ERGIC2: variants seen among roughly 807,000 people sequenced by gnomAD.
The protein encoded by ERGIC2 is ERGIC and golgi 2.
A neutral mutation model predicts 52.5 loss-of-function variants in ERGIC2; 31 were observed. That is an observed-to-expected ratio of 0.59 (90% confidence interval 0.44 to 0.80). ERGIC2 has a LOEUF of 0.80. Ranked by LOEUF, ERGIC2 falls within the 30% of genes least tolerant of loss-of-function variation. The pLI, the probability that ERGIC2 is intolerant of heterozygous loss-of-function variation, is 0.00. For missense variants in ERGIC2, 395 were observed against 455.2 expected (o/e 0.87, Z 1.20); for synonymous variants, 129 against 140.6 (o/e 0.92, Z 0.58).
chr12:29,357,560 AGTTTT>A, intron 7 of ERGIC2, 58 bp downstream of exon 7: 2 of 858,900 alleles, frequency 2.3e-6, no homozygotes, highest in South Asian at 1.5e-5. Flanking sequence ...CCAACACTTT[AGTTTT>A]AACTATGTCA....
At chr12:29,371,245 C>T (rs1410983527) in intron 2 of ERGIC2, among the ~76,000 whole-genome samples, 1 of 152,116 alleles carries the variant, frequency 6.6e-6, no homozygotes, top group Non-Finnish European at 1.5e-5. Context: ...ATAACTTCCT[C>T]AAGGTCACAT....
intron 10 of ERGIC2, among the ~76,000 whole-genome samples, chr12:29,347,710 T>C (rs1049506938): frequency 4.6e-5 from 7 of 152,178 alleles, no homozygotes; most frequent in African/African-American, 1.4e-4. Flanking sequence ...CTACCTGACA[T>C]AGCAGATATG....
chr12:29,349,667 C>A (rs1940105372), intron 9 of ERGIC2, among the ~76,000 whole-genome samples: 1 of 152,026 alleles, frequency 6.6e-6, no homozygotes, highest in South Asian at 2.1e-4. Context: ...TTAAGACAAT[C>A]ATGATACCAA....
intron 11 of ERGIC2, among the ~76,000 whole-genome samples, chr12:29,344,401 A>T (rs2136849773): frequency 6.6e-6 from 1 of 152,264 alleles, no homozygotes; most frequent in East Asian, 1.9e-4. Context: ...TTTTCCCCAA[A>T]GTCTTCTCAA....
chr12:29,342,981 T>C, intron 12 of ERGIC2, 139 bp downstream of exon 12: 1 of 583,620 alleles, frequency 1.7e-6, no homozygotes, highest in Non-Finnish European at 2.9e-6. Flanking sequence ...CAATATAATT[T>C]TGGAGTTTTG....
chr12:29,365,468 G>T (rs1227540537), intron 5 of ERGIC2, among the ~76,000 whole-genome samples: 1 of 151,712 alleles, frequency 6.6e-6, no homozygotes, highest in African/African-American at 2.4e-5. Flanking sequence ...AGGGGAGGGA[G>T]GGAGAAGGAA....
intron 8 of ERGIC2, among the ~76,000 whole-genome samples, chr12:29,352,046 T>C (rs1392678906): frequency 6.6e-6 from 1 of 152,160 alleles, no homozygotes; most frequent in African/African-American, 2.4e-5. Flanking sequence ...TTGAAGTCCA[T>C]ATTTCTTTTT....
chr12:29,366,145 A>G (rs1940359390), intron 5 of ERGIC2, among the ~76,000 whole-genome samples: 1 of 151,976 alleles, frequency 6.6e-6, no homozygotes, highest in African/African-American at 2.4e-5. Flanking sequence ...AAAGGAACTC[A>G]AGAACGCATG....
At chr12:29,345,602 C>T in intron 10 of ERGIC2, 62 bp from the exon 11 acceptor site, 1 of 873,248 alleles carries the variant, frequency 1.1e-6, no homozygotes, top group Admixed American at 1.7e-5. Context: ...CAAATATATT[C>T]TTCTATTAAA....
At chr12:29,363,854 A>C (rs931177175) in intron 5 of ERGIC2, among the ~76,000 whole-genome samples, 1 of 150,430 alleles carries the variant, frequency 6.6e-6, no homozygotes, top group African/African-American at 2.4e-5. Context: ...AAAAAAAGAG[A>C]GTGACCACAA....
In ERGIC2 at chr12:29,340,456, C is replaced by A; in HGVS notation, c.*700G>T. The stretch of plus-strand genomic sequence containing the variant: ...TCTACTATACCATTTGTGAATGACA[C>A]CCTAGTTACATAACACCTACATATC... On this transcript the variant is annotated 3_prime_UTR_variant, in exon 14 of 14. Coordinates refer to ENST00000360150, the MANE Select transcript of ERGIC2 (RefSeq NM_016570.3). 1 of 155,412 alleles carries A rather than the reference C, an allele frequency of 6.4e-6. No individual in the cohort carries two copies. Among genetic ancestry groups the A allele is most frequent in the Admixed American group, 6.4e-5 (1 of 15,524 alleles). The allele number at this position is 155,412 out of a possible 1,614,324, so 9.6% of individuals were successfully genotyped here. A position where few individuals can be genotyped will look rare whatever the true frequency, so the allele number is the denominator to read the frequency against.
Position 29,341,131 on chromosome 12 carries a change from G to C in ERGIC2, c.*25C>G, listed in dbSNP as rs2136845667. The C allele has an allele frequency of 1.3e-6, 2 of 1,568,138 alleles. No homozygotes were observed. Among genetic ancestry groups the C allele is most frequent in the East Asian group, 4.6e-5 (2 of 43,628 alleles). On this transcript the variant is annotated 3_prime_UTR_variant, in exon 14 of 14. Transcript: ENST00000360150. ...AAAGGTTTTATGTCTCAGGCAAAAA[G>C]TTTTTCTCCTTCAATCGGGAGGTGT...
intron 3 of ERGIC2, among the ~76,000 whole-genome samples, chr12:29,369,294 C>T (rs773537180): frequency 5.3e-5 from 8 of 151,876 alleles, no homozygotes; most frequent in Non-Finnish European, 7.4e-5. Flanking sequence ...AAAACAACAA[C>T]AAATTCTTTG....
At chr12:29,379,616 C>T (rs540295523) in intron 1 of ERGIC2, among the ~76,000 whole-genome samples, 3 of 152,286 alleles carry the variant, frequency 2.0e-5, no homozygotes, top group African/African-American at 7.2e-5. Context: ...TGAGTGTTTA[C>T]TGTGTGCCAG....
At chr12:29,356,537 G>T in intron 7 of ERGIC2, 60 bp from the exon 8 acceptor site, 1 of 854,454 alleles carries the variant, frequency 1.2e-6, no homozygotes, top group Non-Finnish European at 1.8e-6. Context: ...TTTATGATGA[G>T]AAAAATGTGT....
intron 11 of ERGIC2, 80 bp downstream of exon 11, chr12:29,345,363 C>A: frequency 2.6e-6 from 2 of 772,300 alleles, no homozygotes; most frequent in Admixed American, 2.2e-5. Flanking sequence ...TAAAACACCA[C>A]CTTATTTTGT....
Position 29,343,217 on chromosome 12 carries a change from G to A in ERGIC2, c.891C>T (p.Leu297=). The A allele has an allele frequency of 6.2e-7, 1 of 1,610,940 alleles. No homozygotes were observed. Among genetic ancestry groups the A allele is most frequent in the Non-Finnish European group, 8.5e-7 (1 of 1,177,954 alleles). ...CAGTAACTGTCACCATAAGAGAACT[G>A]AGATCATATTTCATAAATATCCCAG... ...GVSGIFMKYD[L]SSLMVTVTEE... is the part of the protein sequence containing the mutation. Residue 297 remains leucine, a synonymous_variant, in exon 12 of 14, where the codon CTC becomes CTT. Coordinates refer to ENST00000360150, the MANE Select transcript of ERGIC2 (RefSeq NM_016570.3).
chr12:29,365,350 G>T (rs1458389331), intron 5 of ERGIC2, among the ~76,000 whole-genome samples: 2 of 151,960 alleles, frequency 1.3e-5, no homozygotes, highest in Non-Finnish European at 2.9e-5. Flanking sequence ...CAAATAAATG[G>T]CAGGACAGAA....
At chr12:29,373,675 C>A (rs7295387) in intron 1 of ERGIC2, among the ~76,000 whole-genome samples, 21,700 of 152,116 alleles carry the variant, frequency 0.14, 1,582 homozygotes, top group Middle Eastern at 0.24. Context: ...ATTTCCTCTG[C>A]CATTAAAATC....
Sources: allele counts gnomAD v4.1 joint callset (sites outside exome capture counted in the v4.1 genomes callset), GRCh38; gene constraint gnomAD v4.1.1; transcripts MANE v1.5; gene names NCBI Gene and HGNC (gene_info 2026-07-23, HGNC 2026-07-21).